PLCE1: variants seen among roughly 807,000 people sequenced by gnomAD.
PLCE1 encodes 1-phosphatidylinositol 4,5-bisphosphate phosphodiesterase epsilon-1.
In PLCE1, 119 loss-of-function variants were observed where a neutral mutation model predicts 242.8. The observed-to-expected ratio is 0.49, with a 90% CI of 0.42 to 0.57. The LOEUF (loss-of-function observed/expected upper bound fraction) is 0.57, where lower values mean the gene tolerates loss of function less well. Ranked by LOEUF, PLCE1 falls within the 20% of genes least tolerant of loss-of-function variation. PLCE1 has a pLI of 0.00. For missense variants in PLCE1, 2,441 were observed against 2,788.8 expected (o/e 0.88, Z 2.81); for synonymous variants, 945 against 1,017.4 (o/e 0.93, Z 1.35).
rs774497694 is a variant in PLCE1, at chr10:94,031,719, A to G, written c.673A>G (p.Lys225Glu). The change falls in exon 2 of 33, where the codon AAG (lysine) becomes GAG (glutamate). Residue 225 changes from lysine (K) to glutamate (E), a missense_variant. Transcript: ENST00000371380. Reference sequence around the variant, plus strand: ...TGTACCACTACCTGGGGGTGAGGAGAAGCAAAAGAAAAACTATGTGGCATA... The same window carrying G: ...TGTACCACTACCTGGGGGTGAGGAGGAGCAAAAGAAAAACTATGTGGCATA... ...NCVPLPGGEE[K>E]QKKNYVAYTC... The G allele has an allele frequency of 1.1e-5, 17 of 1,613,812 alleles. No individual in the cohort carries two copies. The highest frequency in any genetic ancestry group is 1.4e-5 in the Non-Finnish European group (17 of 1,179,878).
chr10:94,040,583 A>G (rs991252139), intron 2 of PLCE1, among the ~76,000 whole-genome samples: 5 of 152,188 alleles, frequency 3.3e-5, no homozygotes, highest in Non-Finnish European at 7.3e-5. Context: ...ACCTTCTCTC[A>G]GGGTCTCAGA....
In PLCE1 at chr10:94,202,700, G is replaced by A. The variant is rs77197668; in HGVS notation, c.1810-24606G>A. Among the ~76,000 whole-genome samples, 833 of 152,288 alleles carry A rather than the reference G, an allele frequency of 5.5e-3. 25 individuals carry two copies. The highest frequency in any genetic ancestry group is 0.044 in the Admixed American group (672 of 15,300). ...GGCCCCTTGGCTACAAGGTGTGTCCGTGCGGCAGAGGTAGACAATGACCAA... is the reference window on the plus strand; with the variant it reads ...GGCCCCTTGGCTACAAGGTGTGTCCATGCGGCAGAGGTAGACAATGACCAA... On this transcript the variant is annotated intron_variant, in intron 4 of 32. Transcript: ENST00000371380.
chr10:94,318,435 TTGAAAG>T (rs1184887848), intron 29 of PLCE1, among the ~76,000 whole-genome samples: 1 of 152,220 alleles, frequency 6.6e-6, no homozygotes, highest in Non-Finnish European at 1.5e-5. Flanking sequence ...ATTTACAGCG[TTGAAAG>T]CCCTCAAACA....
Position 94,259,196 on chromosome 10 carries a change from A to T in PLCE1, c.3814+46A>T, listed in dbSNP as rs570318025. 5.0e-6 allele frequency: 8 copies of T among 1,600,038 alleles called. No homozygotes were observed. In the African/African-American group the frequency reaches 1.1e-4, roughly 21 times the overall value. ...TTTCCCTTTGGGATCAATCTGTCTA[A>T]AACTTAAGGTCAGAGGTCCAGTCAC... is the stretch of plus-strand genomic sequence containing the variant. On this transcript the variant is annotated intron_variant, in intron 13 of 32. Coordinates refer to ENST00000371380, the MANE Select transcript of PLCE1 (RefSeq NM_016341.4).
At chr10:94,242,278 GT>G (rs536029354) in intron 7 of PLCE1, among the ~76,000 whole-genome samples, 1 of 151,574 alleles carries the variant, frequency 6.6e-6, no homozygotes, top group African/African-American at 2.4e-5. Context: ...CAGATCTTGT[GT>G]TTTTTTTGTT....
intron 2 of PLCE1, among the ~76,000 whole-genome samples, chr10:94,039,179 A>G (rs976112868): frequency 4.6e-5 from 7 of 152,182 alleles, no homozygotes; most frequent in Non-Finnish European, 1.0e-4. Flanking sequence ...GATTATTATG[A>G]ATAATACTGC....
At chr10:94,158,526 G>A (rs2047502341) in intron 3 of PLCE1, among the ~76,000 whole-genome samples, 1 of 151,992 alleles carries the variant, frequency 6.6e-6, no homozygotes, top group Admixed American at 6.5e-5. Context: ...TCCCAATGTG[G>A]GTAGGGAATT....
chr10:94,226,939 C>T (rs1192823354), intron 4 of PLCE1, among the ~76,000 whole-genome samples: 1 of 148,522 alleles, frequency 6.7e-6, no homozygotes, highest in South Asian at 2.1e-4. Context: ...TCTCGCTGCT[C>T]GCTGCAACCT....
In PLCE1 at chr10:94,235,956, A is replaced by G; in HGVS notation, c.2256A>G (p.Arg752=). 6.2e-7 allele frequency: 1 copy of G among 1,614,108 alleles called. No homozygotes were observed. Among genetic ancestry groups the G allele is most frequent in the Admixed American group, 1.7e-5 (1 of 60,024 alleles). ...GTGGACAAGATAATTTCTTACAACG[A>G]GTGGGACAAAATGGCTTAAAGAATT... ...DYSGQDNFLQ[R]VGQNGLKNSE... The change falls in exon 7 of 33, where the codon CGA becomes CGG. Residue 752 remains arginine, a synonymous_variant. Transcript: ENST00000371380.
intron 1 of PLCE1, among the ~76,000 whole-genome samples, chr10:94,024,068 A>G (rs1041290591): frequency 5.9e-5 from 9 of 152,176 alleles, no homozygotes; most frequent in Admixed American, 3.9e-4. Flanking sequence ...ACTGACTCAT[A>G]TTATGTAGGG....
At chr10:94,029,211 T>A (rs1474615376) in intron 1 of PLCE1, among the ~76,000 whole-genome samples, 3 of 152,166 alleles carry the variant, frequency 2.0e-5, no homozygotes, top group African/African-American at 7.2e-5. Flanking sequence ...TTTGAATTGC[T>A]TACCTCATGG....
chr10:94,316,667 G>C lies in PLCE1; in HGVS notation c.6253G>C (p.Gly2085Arg), dbSNP rs759265610. The C allele has an allele frequency of 6.2e-7, 1 of 1,613,550 alleles. No individual in the cohort carries two copies. The highest frequency in any genetic ancestry group is 1.1e-5 in the South Asian group (1 of 91,068). The change falls in exon 29 of 33, where the codon GGT (glycine) becomes CGT (arginine). Residue 2085 changes from glycine (G) to arginine (R), a missense_variant. Transcript: ENST00000371380. ...GAAACAACCATTCCAGAGAGCCATT[G>C]GTCCAGAAGAGGAGATCATGCAAAT... The part of the protein sequence containing the change: ...CRKQPFQRAI[G>R]PEEEIMQILS...
Position 94,246,592 on chromosome 10 carries a change from C to T in PLCE1, c.3067C>T (p.Leu1023=). Residue 1023 remains leucine, a synonymous_variant, in exon 8 of 33, where the codon CTG becomes TTG. Coordinates refer to ENST00000371380, the MANE Select transcript of PLCE1 (RefSeq NM_016341.4). ...RKFPDQRQQW[L]RKQYVSLYQE... ...ATTCCCTGACCAAAGACAGCAGTGG[C>T]TGCGGAAACAGTACGTCAGCCTTTA... 1 of 1,614,068 alleles carries T rather than the reference C, an allele frequency of 6.2e-7. No homozygotes were observed. The highest frequency in any genetic ancestry group is 8.5e-7 in the Non-Finnish European group (1 of 1,179,976).
intron 2 of PLCE1, among the ~76,000 whole-genome samples, chr10:94,086,247 C>T (rs1399884732): frequency 6.6e-6 from 1 of 152,134 alleles, no homozygotes; most frequent in Admixed American, 6.5e-5. Flanking sequence ...TTAGGAATTG[C>T]CTTTAGAACT....
At chr10:94,093,659 C>A (rs989975966) in intron 2 of PLCE1, among the ~76,000 whole-genome samples, 20 of 152,224 alleles carry the variant, frequency 1.3e-4, no homozygotes, top group African/African-American at 4.8e-4. Flanking sequence ...TCCCATTTAT[C>A]TCAGGCCTTC....
intron 2 of PLCE1, among the ~76,000 whole-genome samples, chr10:94,055,316 A>T (rs79556862): frequency 2.0e-5 from 3 of 146,944 alleles, no homozygotes; most frequent in African/African-American, 7.5e-5. Context: ...TTGTTGTCTT[A>T]TTTTTTTTTT....
chr10:94,322,823 GC>G (rs2053869544), intron 30 of PLCE1, among the ~76,000 whole-genome samples: 1 of 151,852 alleles, frequency 6.6e-6, no homozygotes, highest in South Asian at 2.1e-4. Flanking sequence ...AGGCATGGTA[GC>G]ATGCACCTGT....
At chr10:94,189,657 T>C (rs1043413145) in intron 4 of PLCE1, among the ~76,000 whole-genome samples, 3 of 151,850 alleles carry the variant, frequency 2.0e-5, no homozygotes, top group Non-Finnish European at 4.4e-5. Context: ...AGGATGACAG[T>C]GAGAATATAA....
chr10:94,146,148 G>T (rs1255875741), intron 3 of PLCE1, among the ~76,000 whole-genome samples: 1 of 152,092 alleles, frequency 6.6e-6, no homozygotes, highest in Non-Finnish European at 1.5e-5. Flanking sequence ...CCAATAGCCT[G>T]GAGGCACCCT....
Sources: allele counts gnomAD v4.1 joint callset (sites outside exome capture counted in the v4.1 genomes callset), GRCh38; gene constraint gnomAD v4.1.1; transcripts MANE v1.5; gene names NCBI Gene and HGNC (gene_info 2026-07-23, HGNC 2026-07-21).